Variants in PKHD1 observed in about 807,000 individuals in gnomAD.
PKHD1 encodes fibrocystin.
A neutral mutation model predicts 412.0 loss-of-function variants in PKHD1; 291 were observed. The ratio of observed to expected loss-of-function variants is 0.71; its 90% CI spans 0.64 to 0.78. The LOEUF (loss-of-function observed/expected upper bound fraction) is 0.78, where lower values mean the gene tolerates loss of function less well. Among genes scored for constraint, PKHD1 ranks in the 30% least tolerant of loss-of-function variants. The pLI is 0.00. For missense variants in PKHD1, 4,825 were observed against 4,950.7 expected, an observed-to-expected ratio of 0.97 and a Z score of 0.76; for synonymous variants, 1,777 against 1,821.5, an observed-to-expected ratio of 0.98 and a Z score of 0.62.
chr6:52,053,060 A>G lies in PKHD1; in HGVS notation c.2140+16T>C. ...CATGTGACCGGCTTGTGGAGGAGAG[A>G]GAATTTGATGATTACCTGTTACGTT... On this transcript the variant is annotated intron_variant, in intron 21 of 66. Transcript: ENST00000371117. 6.2e-7 allele frequency: 1 copy of G among 1,612,916 alleles called. No homozygotes were observed. The highest frequency in any genetic ancestry group is 8.5e-7 in the Non-Finnish European group (1 of 1,179,234).
chr6:51,904,125 T>C, intron 41 of PKHD1, 83 bp from the exon 42 acceptor site: 1 of 916,718 alleles, frequency 1.1e-6, no homozygotes, highest in Non-Finnish European at 1.8e-6. Flanking sequence ...CTTCTTTGGG[T>C]GTGGGTTGTT....
At chr6:51,896,771 A>C (rs1457239237) in intron 43 of PKHD1, among the ~76,000 whole-genome samples, 4 of 151,250 alleles carry the variant, frequency 2.6e-5, no homozygotes, top group African/African-American at 9.7e-5. Context: ...TTTGAAAAAA[A>C]TTTAGAAGAA....
intron 1 of PKHD1, among the ~76,000 whole-genome samples, chr6:52,087,029 T>C (rs956995764): frequency 6.6e-6 from 1 of 152,210 alleles, no homozygotes; most frequent in Non-Finnish European, 1.5e-5. Context: ...ACAATAGAAA[T>C]AAACATTCGC....
rs761352771 is a variant in PKHD1, at chr6:51,747,861, G to A, written c.9755C>T (p.Pro3252Leu). 3 of 1,613,548 alleles carry A rather than the reference G, an allele frequency of 1.9e-6. No homozygotes were observed. The highest frequency in any genetic ancestry group is 2.2e-5 in the South Asian group (2 of 91,066). Residue 3252 changes from proline (P) to leucine (L), a missense_variant, in exon 58 of 67, where the codon CCA becomes CTA. By Grantham distance (98) the Pro-to-Leu change is moderately conservative. Transcript: ENST00000371117. Reference protein sequence around the residue: ...GILWPVFTSEPNQWPQEPWHK... With the variant: ...GILWPVFTSELNQWPQEPWHK... The stretch of plus-strand genomic sequence containing the variant: ...CCATGGCTCCTGAGGCCACTGATTT[G>A]GTTCTGAGGTGAATACAGGCCACAG...
At chr6:51,808,245 GTTTT>G (rs914137888) in intron 52 of PKHD1, among the ~76,000 whole-genome samples, 1 of 151,642 alleles carries the variant, frequency 6.6e-6, no homozygotes, top group Non-Finnish European at 1.5e-5. Flanking sequence ...TGTAGTGTGT[GTTTT>G]TTTTAATTTT....
At chr6:51,969,704 C>A (rs1326243782) in intron 35 of PKHD1, among the ~76,000 whole-genome samples, 4 of 152,120 alleles carry the variant, frequency 2.6e-5, no homozygotes, top group Non-Finnish European at 5.9e-5. Flanking sequence ...CAGGTTACTG[C>A]AAAAGCCATG....
At chr6:51,772,895 G>C in intron 54 of PKHD1, 106 bp from the exon 55 acceptor site, 1 of 742,496 alleles carries the variant, frequency 1.3e-6, no homozygotes, top group Non-Finnish European at 2.5e-6. Context: ...ATGTGATATA[G>C]AATCTCTATA....
intron 32 of PKHD1, among the ~76,000 whole-genome samples, chr6:52,023,783 C>T (rs936375523): frequency 2.6e-5 from 4 of 152,076 alleles, no homozygotes; most frequent in South Asian, 4.2e-4. Flanking sequence ...GGGAGTAGTG[C>T]CTTTATCAAA....
In PKHD1 at chr6:51,659,597, A is replaced by C; in HGVS notation, c.10529T>G (p.Leu3510Ter). The change falls in exon 61 of 67, where the codon TTA becomes TGA. Residue 3510 changes from leucine (L) to a stop codon, truncating the protein, a stop_gained. Transcript: ENST00000371117. LOFTEE classifies it high-confidence loss of function. Reference sequence around the variant, plus strand: ...AGTGGGTGGAATAAAACTTTCCCCTAAGAAGACGTGGGGGCTCTGGAGCTC... The same window carrying C: ...AGTGGGTGGAATAAAACTTTCCCCTCAGAAGACGTGGGGGCTCTGGAGCTC... ...YHELQSPHVF[L>*]GESFIPPTLV... 2 of 1,613,732 alleles carry C rather than the reference A, an allele frequency of 1.2e-6. No homozygotes were observed. Among genetic ancestry groups the C allele is most frequent in the Non-Finnish European group, 1.7e-6 (2 of 1,179,848 alleles).
rs1411755627 is a variant in PKHD1 at position 52,025,706 on chromosome 6, T to G, written c.4104A>C (p.Val1368=). Residue 1368 remains valine (V), a synonymous_variant, in exon 32 of 67, where the codon GTA becomes GTC. Coordinates refer to ENST00000371117, the MANE Select transcript of PKHD1 (RefSeq NM_138694.4). ...TAGCAAATCCCATCTGCTTCTGACG[T>G]ACTTGGAGAGGATAGATGCCAGCCT... ...SLEAGIYPLQ[V]RQKQMGFANM... 2.5e-6 allele frequency: 4 copies of G among 1,614,184 alleles called. No homozygotes were observed. Among genetic ancestry groups the G allele is most frequent in the South Asian group, 2.2e-5 (2 of 91,068 alleles).
intron 52 of PKHD1, among the ~76,000 whole-genome samples, chr6:51,807,567 T>C: frequency 6.8e-6 from 1 of 147,008 alleles, no homozygotes; most frequent in East Asian, 2.0e-4. Flanking sequence ...TTAAAAAACT[T>C]TATTACCTTA....
chr6:51,713,261 T>C (rs1582228192), intron 60 of PKHD1, among the ~76,000 whole-genome samples: 1 of 152,228 alleles, frequency 6.6e-6, no homozygotes, highest in Admixed American at 6.5e-5. Flanking sequence ...GCAGATGACA[T>C]AACTTTTTTG....
intron 63 of PKHD1, 134 bp from the exon 64 acceptor site, chr6:51,639,090 C>T: frequency 1.4e-6 from 1 of 734,512 alleles, no homozygotes. Flanking sequence ...CCTAATCCAT[C>T]AGGTTCTTCT....
intron 10 of PKHD1, among the ~76,000 whole-genome samples, 169 bp downstream of exon 10, chr6:52,070,237 T>C (rs1043239805): frequency 1.3e-5 from 2 of 152,164 alleles, no homozygotes; most frequent in Non-Finnish European, 1.5e-5. Flanking sequence ...CACAACTTCA[T>C]TCACCCAGGT....
At position 52,025,368 on chromosome 6, in the gene PKHD1, C is replaced by T; in HGVS notation, c.4442G>A (p.Arg1481Lys). The T allele has an allele frequency of 1.2e-6, 2 of 1,613,350 alleles. No homozygotes were observed. Among genetic ancestry groups the T allele is most frequent in the Non-Finnish European group, 1.7e-6 (2 of 1,179,368 alleles). The change falls in exon 32 of 67, where the codon AGG becomes AAG. Residue 1481 changes from arginine to lysine, a missense_variant. Physicochemically the swap from Arg to Lys is conservative, Grantham distance 26. Coordinates refer to ENST00000371117, the MANE Select transcript of PKHD1 (RefSeq NM_138694.4). ...ECQGNCTLFI[R>K]EEASPVMDAL... Reference sequence around the variant, plus strand: ...ATCCATGACAGGACTTGCCTCTTCCCTTATGAAAAGAGTGCAATTCCCCTG... The same window carrying T: ...ATCCATGACAGGACTTGCCTCTTCCTTTATGAAAAGAGTGCAATTCCCCTG...
At chr6:51,885,593 T>C (rs192190655) in intron 45 of PKHD1, among the ~76,000 whole-genome samples, 1 of 152,296 alleles carries the variant, frequency 6.6e-6, no homozygotes, top group Non-Finnish European at 1.5e-5. Flanking sequence ...TTATAAATCT[T>C]TATGATTCTG....
intron 60 of PKHD1, among the ~76,000 whole-genome samples, chr6:51,734,103 T>C (rs1783549740): frequency 6.6e-6 from 1 of 152,234 alleles, no homozygotes; most frequent in Non-Finnish European, 1.5e-5. Flanking sequence ...GGGACCCTAA[T>C]GTGTAGTATG....
At chr6:51,784,386 A>G (rs1257241693) in intron 53 of PKHD1, among the ~76,000 whole-genome samples, 1 of 152,206 alleles carries the variant, frequency 6.6e-6, no homozygotes, top group South Asian at 2.1e-4. Flanking sequence ...CTTGAAACAA[A>G]TCAATTATCT....
At chr6:51,800,018 T>G (rs2148459) in intron 52 of PKHD1, among the ~76,000 whole-genome samples, 89,859 of 151,968 alleles carry the variant, frequency 0.59, 27,229 homozygotes, top group East Asian at 0.83. Flanking sequence ...GAGGGAACCA[T>G]CTGGAATTTC....
Sources: allele counts gnomAD v4.1 joint callset (sites outside exome capture counted in the v4.1 genomes callset), GRCh38; gene constraint gnomAD v4.1.1; transcripts MANE v1.5; gene names NCBI Gene and HGNC (gene_info 2026-07-23, HGNC 2026-07-21).